Variants in FAT3 observed in about 807,000 individuals in gnomAD.
FAT3 encodes the protein protocadherin Fat 3.
Under a neutral mutation model 310.2 loss-of-function variants are expected in FAT3, and 95 were observed. The ratio of observed to expected loss-of-function variants is 0.31; its 90% CI spans 0.26 to 0.36. FAT3 has a LOEUF of 0.36. Ranked by LOEUF, FAT3 falls within the 10% of genes least tolerant of loss-of-function variation. The pLI is 1.00. For missense variants in FAT3, 5,408 were observed against 5,715.6 expected (o/e 0.95, Z 1.74); for synonymous variants, 2,314 against 2,192.9 (o/e 1.06, Z -1.54).
intron 2 of FAT3, among the ~76,000 whole-genome samples, chr11:92,390,910 A>G (rs2134811597): frequency 6.6e-6 from 1 of 152,276 alleles, no homozygotes; most frequent in African/African-American, 2.4e-5. Flanking sequence ...GATTGGGGCC[A>G]CATTCTGGCA....
At chr11:92,592,605 C>T (rs1459633596) in intron 3 of FAT3, among the ~76,000 whole-genome samples, 2 of 151,722 alleles carry the variant, frequency 1.3e-5, no homozygotes, top group Non-Finnish European at 2.9e-5. Flanking sequence ...CAGGCGTGAG[C>T]CACCACACCT....
At chr11:92,333,346 CCTT>C (rs1179784453) in intron 1 of FAT3, among the ~76,000 whole-genome samples, 2 of 152,140 alleles carry the variant, frequency 1.3e-5, no homozygotes, top group Admixed American at 6.5e-5. Context: ...TTCAGATTCT[CCTT>C]AAGTCATATT....
chr11:92,675,071 G>T (rs963755020), intron 3 of FAT3, among the ~76,000 whole-genome samples: 1 of 152,024 alleles, frequency 6.6e-6, no homozygotes, highest in African/African-American at 2.4e-5. Flanking sequence ...GATTTAAAAA[G>T]GTGCCCTGAG....
At chr11:92,836,764 G>A in intron 16 of FAT3, 61 bp downstream of exon 16, 4 of 1,574,860 alleles carry the variant, frequency 2.5e-6, no homozygotes, top group South Asian at 1.2e-5. Flanking sequence ...AGAATCAGGG[G>A]CACAAGCTCC....
rs78165232 is a variant in FAT3 at position 92,856,213 on chromosome 11, G to C, written c.11366-1001G>C. 7.9e-5 allele frequency among the ~76,000 whole-genome samples: 12 copies of C among 152,304 alleles called. No homozygotes were observed. The East Asian group carries it at 1.9e-3, about 25-fold the overall frequency. ...GGAGCATGATCATGGGCCAGATCTG[G>C]CTGAGGAATGAGCTGCTGGTATGCT... is the stretch of plus-strand genomic sequence containing the variant. On this transcript the variant is annotated intron_variant, in intron 19 of 27. Coordinates refer to ENST00000525166, the MANE Select transcript of FAT3 (RefSeq NM_001367949.2).
chr11:92,541,555 G>A (rs1954448575), intron 3 of FAT3, among the ~76,000 whole-genome samples: 1 of 152,136 alleles, frequency 6.6e-6, no homozygotes, highest in African/African-American at 2.4e-5. Flanking sequence ...AATTTCATAA[G>A]TATTCATAAA....
At chr11:92,696,452 GC>G (rs1943945802) in intron 3 of FAT3, among the ~76,000 whole-genome samples, 1 of 151,924 alleles carries the variant, frequency 6.6e-6, no homozygotes, top group East Asian at 1.9e-4. Context: ...CTCTTTCACA[GC>G]CCCTGGAAAT....
chr11:92,624,136 T>C (rs540249770), intron 3 of FAT3, among the ~76,000 whole-genome samples: 151 of 152,232 alleles, frequency 9.9e-4, no homozygotes, highest in Non-Finnish European at 1.3e-3. Flanking sequence ...TGCACACTAC[T>C]ATGGGAGCAG....
chr11:92,671,826 C>G (rs1943137133), intron 3 of FAT3, among the ~76,000 whole-genome samples: 1 of 152,060 alleles, frequency 6.6e-6, no homozygotes, highest in Admixed American at 6.6e-5. Flanking sequence ...ATGAATGTGG[C>G]TGGGTGCAGT....
At chr11:92,721,716 C>G (rs186048385) in intron 4 of FAT3, among the ~76,000 whole-genome samples, 1 of 152,100 alleles carries the variant, frequency 6.6e-6, no homozygotes, top group African/African-American at 2.4e-5. Context: ...ATAACTGAGA[C>G]TGGGCAATTT....
chr11:92,428,629 T>A (rs145495085), intron 2 of FAT3, among the ~76,000 whole-genome samples: 259 of 152,292 alleles, frequency 1.7e-3, no homozygotes, highest in African/African-American at 5.9e-3. Flanking sequence ...TCTACCTCAA[T>A]TTCATTATTT....
chr11:92,237,638 C>CAGA (rs980110368), intron 1 of FAT3, among the ~76,000 whole-genome samples: 57 of 152,222 alleles, frequency 3.7e-4, no homozygotes, highest in Admixed American at 3.1e-3. Flanking sequence ...TTTGGTGTCA[C>CAGA]AGAAGACCTG....
intron 1 of FAT3, among the ~76,000 whole-genome samples, chr11:92,280,586 C>T (rs891713621): frequency 6.6e-6 from 1 of 152,172 alleles, no homozygotes; most frequent in African/African-American, 2.4e-5. Context: ...TTGCTGCAAG[C>T]ATTACCTTTC....
At chr11:92,574,111 A>G (rs1381090302) in intron 3 of FAT3, among the ~76,000 whole-genome samples, 2 of 152,192 alleles carry the variant, frequency 1.3e-5, no homozygotes, top group East Asian at 3.9e-4. Flanking sequence ...TTATGTCTTC[A>G]TGCTAGTTGA....
At chr11:92,412,878 A>G (rs1001892760) in intron 2 of FAT3, among the ~76,000 whole-genome samples, 7 of 151,066 alleles carry the variant, frequency 4.6e-5, no homozygotes, top group African/African-American at 1.7e-4. Context: ...AGCCTTCCCT[A>G]TAGTCGATAT....
intron 2 of FAT3, among the ~76,000 whole-genome samples, chr11:92,429,107 G>T (rs1306833658): frequency 2.0e-5 from 3 of 152,154 alleles, no homozygotes; most frequent in Admixed American, 1.3e-4. Flanking sequence ...TCTTCTTGCT[G>T]CATTGATCCC....
intron 1 of FAT3, among the ~76,000 whole-genome samples, chr11:92,293,080 A>AGAAG (rs1555002638): frequency 2.6e-5 from 2 of 76,632 alleles, no homozygotes; most frequent in Non-Finnish European, 5.5e-5. Flanking sequence ...AAGGAAGGAA[A>AGAAG]GAAGGAAGGA....
intron 2 of FAT3, among the ~76,000 whole-genome samples, chr11:92,454,805 G>A (rs1951454858): frequency 6.6e-6 from 1 of 152,078 alleles, no homozygotes; most frequent in Admixed American, 6.5e-5. Context: ...GTGTTTATTA[G>A]GTAATAGATA....
intron 2 of FAT3, among the ~76,000 whole-genome samples, chr11:92,376,432 T>C (rs1391061475): frequency 6.6e-6 from 1 of 152,162 alleles, no homozygotes; most frequent in African/African-American, 2.4e-5. Flanking sequence ...CGCAAGCAAA[T>C]GTGCTGTGGG....
Sources: allele counts gnomAD v4.1 joint callset (sites outside exome capture counted in the v4.1 genomes callset), GRCh38; gene constraint gnomAD v4.1.1; transcripts MANE v1.5; gene names NCBI Gene and HGNC (gene_info 2026-07-23, HGNC 2026-07-21).